C10orf67: variants seen among roughly 807,000 people sequenced by gnomAD.
C10orf67 encodes the protein uncharacterized protein C10orf67, mitochondrial.
C10orf67 carries 60 observed loss-of-function variants against 35.6 expected under a neutral mutation model. That is an observed-to-expected ratio of 1.68 (90% CI 1.37 to 2.09). The LOEUF (loss-of-function observed/expected upper bound fraction) is 2.09. Among genes scored for constraint, C10orf67 ranks in the 30% most tolerant of loss-of-function variants. C10orf67 has a pLI of 0.00. For synonymous variants in C10orf67, 167 were observed against 115.8 expected (o/e 1.44, Z -2.84); for missense variants, 474 against 330.2 (o/e 1.44, Z -3.38).
chr10:23,333,203 A>G (rs1162184169), intron 1 of C10orf67, 21 bp from the exon 2 acceptor site: 5 of 1,582,448 alleles, frequency 3.2e-6, no homozygotes, highest in South Asian at 2.3e-5. Flanking sequence ...AGGAAATGAA[A>G]TGTGCTTTAA....
At chr10:23,219,938 A>T (rs531537113) in intron 15 of C10orf67, among the ~76,000 whole-genome samples, 8 of 152,298 alleles carry the variant, frequency 5.3e-5, no homozygotes, top group Non-Finnish European at 1.2e-4. Context: ...AAGAGTATGT[A>T]TGACAGCAGG....
chr10:23,287,455 C>T (rs1291761214), intron 7 of C10orf67, among the ~76,000 whole-genome samples: 2 of 152,172 alleles, frequency 1.3e-5, no homozygotes, highest in East Asian at 1.9e-4. Context: ...CCTTTCCTTA[C>T]ACCTTATACA....
chr10:23,286,371 C>A (rs1159358434), intron 7 of C10orf67, among the ~76,000 whole-genome samples: 1 of 112,778 alleles, frequency 8.9e-6, no homozygotes, highest in Non-Finnish European at 1.8e-5. Context: ...TGTACTCTAG[C>A]CTTAGGGACA....
chr10:23,328,245 G>T (rs1051052023), intron 2 of C10orf67, among the ~76,000 whole-genome samples: 2 of 152,150 alleles, frequency 1.3e-5, no homozygotes, highest in African/African-American at 4.8e-5. Context: ...CTTCTTTACT[G>T]ATGGAACCAT....
In C10orf67 at chr10:23,239,828, A is replaced by G; in HGVS notation, c.1347-12T>C. On this transcript the variant is annotated splice_polypyrimidine_tract_variant and intron_variant, in intron 12 of 15. Transcript: ENST00000636213. Reference sequence around the variant, plus strand: ...TAAGGACATGAAAGCTGAAATTTTAAAAATGATGAAACTTAAAATGTATGT... The same window carrying G: ...TAAGGACATGAAAGCTGAAATTTTAGAAATGATGAAACTTAAAATGTATGT... 1 of 610,258 alleles carries G rather than the reference A, an allele frequency of 1.6e-6. No individual in the cohort carries two copies. The highest frequency in any genetic ancestry group is 2.0e-5 in the South Asian group (1 of 50,596). The allele number at this position is 610,258 out of a possible 1,614,324, so 37.8% of individuals were successfully genotyped here.
Position 23,256,548 on chromosome 10 carries a change from G to C in C10orf67, c.1201-5857C>G, listed in dbSNP as rs1257633659. Among the ~76,000 whole-genome samples the C allele has an allele frequency of 2.0e-5, 3 of 152,286 alleles. No individual in the cohort carries two copies. The East Asian group carries it at 5.8e-4, about 29-fold the overall frequency. ...TCGTCTACAGCTGAAGAAGCACCAT[G>C]CCAGCTTCAACACAAGCTTGTAAGA... On this transcript the variant is annotated intron_variant, in intron 10 of 15. Transcript: ENST00000636213.
At chr10:23,276,318 G>C (rs1435766550) in intron 8 of C10orf67, among the ~76,000 whole-genome samples, 2 of 152,128 alleles carry the variant, frequency 1.3e-5, no homozygotes, top group Admixed American at 6.6e-5. Context: ...TGGCTCAGGG[G>C]GGGATAAAGG....
intron 4 of C10orf67, among the ~76,000 whole-genome samples, chr10:23,311,537 C>T (rs949991619): frequency 1.3e-5 from 2 of 152,006 alleles, no homozygotes; most frequent in African/African-American, 2.4e-5. Flanking sequence ...CATGGAGAAA[C>T]CCCGTCTCTA....
At chr10:23,285,844 G>A (rs1843510869) in intron 7 of C10orf67, among the ~76,000 whole-genome samples, 1 of 152,182 alleles carries the variant, frequency 6.6e-6, no homozygotes, top group African/African-American at 2.4e-5. Flanking sequence ...CACTTGCACT[G>A]GCCACATTTC....
intron 2 of C10orf67, among the ~76,000 whole-genome samples, chr10:23,323,644 C>T (rs1845046530): frequency 1.3e-5 from 2 of 151,674 alleles, no homozygotes; most frequent in African/African-American, 4.8e-5. Flanking sequence ...GGTGAGGTGG[C>T]TCATGCCTGT....
At chr10:23,205,589 G>A (rs1300742094) in intron 15 of C10orf67, among the ~76,000 whole-genome samples, 2 of 152,216 alleles carry the variant, frequency 1.3e-5, no homozygotes, top group East Asian at 1.9e-4. Flanking sequence ...CTAGAGTTAA[G>A]TATACTGGAG....
At chr10:23,246,720 GTGTGTGTGTT>G (rs1346376007) in intron 12 of C10orf67, among the ~76,000 whole-genome samples, 1 of 152,184 alleles carries the variant, frequency 6.6e-6, no homozygotes, top group Non-Finnish European at 1.5e-5. Flanking sequence ...GCTTAGGCTA[GTGTGTGTGTT>G]TGTATCTTAG....
intron 2 of C10orf67, among the ~76,000 whole-genome samples, chr10:23,327,908 A>C (rs1262439338): frequency 2.0e-5 from 3 of 152,158 alleles, no homozygotes; most frequent in Admixed American, 2.0e-4. Context: ...AAATTGCAAC[A>C]AACACCAGAT....
chr10:23,332,435 T>G lies in C10orf67; in HGVS notation c.327+627A>C, dbSNP rs138847207. Among the ~76,000 whole-genome samples the G allele has an allele frequency of 1.9e-3, 289 of 152,254 alleles. 5 individuals are homozygous for G. The East Asian group carries it at 0.031, about 16-fold the overall frequency. ...CGATGGCTCACACCTGTAATCTCAG[T>G]ACTTTGGGAGGCTGAGGTGGGTGGA... On this transcript the variant is annotated intron_variant, in intron 2 of 15. Coordinates refer to ENST00000636213, the MANE Select transcript of C10orf67 (RefSeq NM_001371909.1).
intron 10 of C10orf67, among the ~76,000 whole-genome samples, chr10:23,257,939 A>G (rs1198624039): frequency 6.6e-6 from 1 of 152,104 alleles, no homozygotes; most frequent in East Asian, 1.9e-4. Flanking sequence ...GTATACACAC[A>G]TATGTGTATG....
At chr10:23,257,563 G>C (rs1679129467) in intron 10 of C10orf67, among the ~76,000 whole-genome samples, 1 of 152,166 alleles carries the variant, frequency 6.6e-6, no homozygotes, top group Non-Finnish European at 1.5e-5. Flanking sequence ...AGCACTTTGG[G>C]GGGCCAAGGC....
intron 5 of C10orf67, among the ~76,000 whole-genome samples, chr10:23,297,267 CTTTCT>C (rs1300867347): frequency 2.2e-5 from 3 of 137,164 alleles, no homozygotes; most frequent in African/African-American, 5.5e-5. Flanking sequence ...CTTTCCTTTC[CTTTCT>C]GATGACCCCA....
At chr10:23,329,034 GA>G (rs1845321716) in intron 2 of C10orf67, among the ~76,000 whole-genome samples, 2 of 138,428 alleles carry the variant, frequency 1.4e-5, no homozygotes, top group African/African-American at 5.3e-5. Flanking sequence ...AAGAAAAAAA[GA>G]AAAGAAAGAA....
chr10:23,248,706 A>T (rs1564471024), intron 12 of C10orf67, among the ~76,000 whole-genome samples: 1 of 152,150 alleles, frequency 6.6e-6, no homozygotes, highest in Admixed American at 6.5e-5. Flanking sequence ...GTACAAATGC[A>T]CTCGCTACGG....
Sources: allele counts gnomAD v4.1 joint callset (sites outside exome capture counted in the v4.1 genomes callset), GRCh38; gene constraint gnomAD v4.1.1; transcripts MANE v1.5; gene names NCBI Gene and HGNC (gene_info 2026-07-23, HGNC 2026-07-21).